TRPC4AP: variants seen among roughly 807,000 people sequenced by gnomAD.
TRPC4AP encodes short transient receptor potential channel 4-associated protein.
TRPC4AP carries 45 observed loss-of-function variants against 99.0 expected under a neutral mutation model. That is an observed-to-expected ratio of 0.45 (90% CI 0.36 to 0.58). TRPC4AP has a LOEUF of 0.58. Ranked by LOEUF, TRPC4AP falls within the 20% of genes least tolerant of loss-of-function variation. The probability of loss-of-function intolerance (pLI) is 0.00; values close to 1 mark genes in which losing one functional copy is unlikely to be tolerated. For synonymous variants in TRPC4AP, 408 were observed against 385.8 expected, an observed-to-expected ratio of 1.06 and a Z score of -0.67; for missense variants, 879 against 985.3, an observed-to-expected ratio of 0.89 and a Z score of 1.44.
intron 3 of TRPC4AP, among the ~76,000 whole-genome samples, chr20:35,059,885 AAAGATGAAGATGAAG>A (rs2083945530): frequency 6.7e-6 from 1 of 149,090 alleles, no homozygotes; most frequent in African/African-American, 2.5e-5. Context: ...AGACGAAGAC[AAAGATGAAGATGAAG>A]AAGACGAAGA....
intron 8 of TRPC4AP, among the ~76,000 whole-genome samples, chr20:35,029,784 C>T (rs531304103): frequency 8.0e-4 from 119 of 149,016 alleles, no homozygotes; most frequent in African/African-American, 2.4e-3. Flanking sequence ...TACAGGCGCC[C>T]GCCACCACGC....
chr20:35,078,009 G>T (rs2084528995), intron 2 of TRPC4AP, 37 bp downstream of exon 2: 4 of 1,564,308 alleles, frequency 2.6e-6, no homozygotes, highest in Non-Finnish European at 3.5e-6. Flanking sequence ...TCACCTAGAG[G>T]CCCTGAATAC....
intron 1 of TRPC4AP, among the ~76,000 whole-genome samples, chr20:35,079,617 T>A (rs1359667835): frequency 6.6e-6 from 1 of 152,088 alleles, no homozygotes; most frequent in Non-Finnish European, 1.5e-5. Context: ...ATCAATACGA[T>A]TGATAAACTC....
intron 4 of TRPC4AP, among the ~76,000 whole-genome samples, chr20:35,056,340 A>G (rs1254212822): frequency 6.6e-6 from 1 of 152,230 alleles, no homozygotes; most frequent in East Asian, 1.9e-4. Context: ...GTGAGGGAAA[A>G]AAAGTCTCAG....
intron 8 of TRPC4AP, among the ~76,000 whole-genome samples, chr20:35,031,819 G>A (rs1380391840): frequency 6.6e-6 from 1 of 151,694 alleles, no homozygotes; most frequent in East Asian, 1.9e-4. Flanking sequence ...ATTTTGCTGA[G>A]TCTTTCTTCT....
chr20:35,038,902 T>C (rs1003452750), intron 7 of TRPC4AP, among the ~76,000 whole-genome samples: 3 of 152,112 alleles, frequency 2.0e-5, no homozygotes, highest in African/African-American at 2.4e-5. Context: ...GCAAAACCGA[T>C]GTCTACTAAA....
At chr20:35,022,868 A>T (rs909845176) in intron 8 of TRPC4AP, among the ~76,000 whole-genome samples, 12 of 152,104 alleles carry the variant, frequency 7.9e-5, no homozygotes, top group East Asian at 1.9e-4. Context: ...AAAAAAATTT[A>T]AAAAATTAGC....
rs942406993 is a variant in TRPC4AP at position 35,070,415 on chromosome 20, C to CT, written c.298-1004dup. On this transcript the variant is annotated intron_variant, in intron 2 of 18. Coordinates refer to ENST00000252015, the MANE Select transcript of TRPC4AP (RefSeq NM_015638.3). ...CTTTGCACCTATTTACAAACCATTT[C>CT]TTTTTTTTTTTTTGAGAGGGAGTCT... Among the ~76,000 whole-genome samples the CT allele has an allele frequency of 1.6e-3, 239 of 145,178 alleles. 2 individuals are homozygous for CT. The highest frequency in any genetic ancestry group is 3.7e-3 in the South Asian group (17 of 4,616).
Position 35,039,520 on chromosome 20 carries a change from G to A in TRPC4AP, c.866-4212C>T, listed in dbSNP as rs181769432. Among the ~76,000 whole-genome samples the A allele has an allele frequency of 2.4e-4, 36 of 152,242 alleles. No homozygotes were observed. The East Asian group carries it at 2.7e-3, about 11-fold the overall frequency. On this transcript the variant is annotated intron_variant, in intron 7 of 18. Coordinates refer to ENST00000252015, the MANE Select transcript of TRPC4AP (RefSeq NM_015638.3). ...ACACCTGGCTGGTTAATGTTAAACT[G>A]ACAACTAAATCACTCACAACCCCTG...
At chr20:35,083,047 G>A (rs1006586054) in intron 1 of TRPC4AP, among the ~76,000 whole-genome samples, 14 of 152,038 alleles carry the variant, frequency 9.2e-5, no homozygotes, top group Non-Finnish European at 1.9e-4. Flanking sequence ...CATAAGATTG[G>A]TAAGGGTAAG....
intron 2 of TRPC4AP, among the ~76,000 whole-genome samples, chr20:35,070,755 C>T (rs1485787514): frequency 6.6e-6 from 1 of 152,142 alleles, no homozygotes; most frequent in African/African-American, 2.4e-5. Context: ...ACAAACAGAT[C>T]CCACTTTGTA....
At chr20:35,086,519 G>GTGTGTGTATA (rs1569157863) in intron 1 of TRPC4AP, among the ~76,000 whole-genome samples, 5 of 33,504 alleles carry the variant, frequency 1.5e-4, no homozygotes, top group African/African-American at 3.9e-4. Flanking sequence ...GTGTGTGTGT[G>GTGTGTGTATA]TATATATGTG....
intron 2 of TRPC4AP, among the ~76,000 whole-genome samples, chr20:35,074,626 T>C (rs1014603175): frequency 2.0e-5 from 3 of 152,242 alleles, no homozygotes; most frequent in Non-Finnish European, 4.4e-5. Flanking sequence ...TGCACTGTTG[T>C]CTGAGAGACA....
intron 2 of TRPC4AP, among the ~76,000 whole-genome samples, chr20:35,071,506 C>G (rs2084312989): frequency 6.8e-6 from 1 of 147,586 alleles, no homozygotes; most frequent in African/African-American, 2.5e-5. Flanking sequence ...TGCTCAATTC[C>G]CACCTATGAG....
chr20:35,087,524 G>C (rs564822852), intron 1 of TRPC4AP, among the ~76,000 whole-genome samples: 4 of 152,098 alleles, frequency 2.6e-5, no homozygotes, highest in Non-Finnish European at 4.4e-5. Context: ...GGCGGGTCAT[G>C]ACCTGTAATG....
At chr20:35,019,885 AG>A (rs1326139025) in intron 9 of TRPC4AP, among the ~76,000 whole-genome samples, 1 of 152,102 alleles carries the variant, frequency 6.6e-6, no homozygotes, top group Non-Finnish European at 1.5e-5. Flanking sequence ...CACCAGGTGT[AG>A]GTAATCAATC....
chr20:35,041,674 C>G (rs920959703), intron 7 of TRPC4AP, among the ~76,000 whole-genome samples: 1 of 152,184 alleles, frequency 6.6e-6, no homozygotes, highest in African/African-American at 2.4e-5. Flanking sequence ...AGTCAGTTTA[C>G]AAATAGGCAT....
intron 11 of TRPC4AP, among the ~76,000 whole-genome samples, chr20:35,011,798 A>C (rs6060154): frequency 0.73 from 110,454 of 152,102 alleles, 40,434 homozygotes; most frequent in Middle Eastern, 0.83. Context: ...ACAAGCTGAC[A>C]CTTCAGGTCT....
chr20:35,092,746 G>C lies in TRPC4AP; in HGVS notation c.36C>G (p.Ala12=). 3 of 1,560,752 alleles carry C rather than the reference G, an allele frequency of 1.9e-6. No individual in the cohort carries two copies. In the South Asian group the frequency reaches 3.4e-5, roughly 18 times the overall value. ...AAAPVAAGSG[A]GRGRRSAATV... ...TGGCTGCCGACCGTCTCCCTCGGCCGGCTCCAGACCCAGCCGCTACCGGCG... is the reference window on the plus strand; with the variant it reads ...TGGCTGCCGACCGTCTCCCTCGGCCCGCTCCAGACCCAGCCGCTACCGGCG... The change falls in exon 1 of 19, where the codon GCC becomes GCG. Residue 12 remains alanine (A), a synonymous_variant. Coordinates refer to ENST00000252015, the MANE Select transcript of TRPC4AP (RefSeq NM_015638.3).
Sources: gnomAD v4.1 joint callset for allele counts (sites outside exome capture counted in the v4.1 genomes callset) on GRCh38, gnomAD v4.1.1 for gene constraint, MANE v1.5 for transcripts, NCBI Gene and HGNC (gene_info 2026-07-23, HGNC 2026-07-21) for gene names.